Variants in SEMA3D observed in about 807,000 individuals in gnomAD.
SEMA3D encodes the protein semaphorin 3D.
Under a neutral mutation model 100.1 loss-of-function variants are expected in SEMA3D, and 84 were observed. The observed-to-expected ratio is 0.84, with a 90% confidence interval of 0.70 to 1.01. SEMA3D has a LOEUF of 1.01. Ranked by LOEUF, SEMA3D falls within the 50% of genes least tolerant of loss-of-function variation. The pLI is 0.00. For missense variants in SEMA3D, 875 were observed against 934.1 expected, an observed-to-expected ratio of 0.94 and a Z score of 0.82; for synonymous variants, 312 against 320.7, an observed-to-expected ratio of 0.97 and a Z score of 0.29.
chr7:85,240,630 C>T, the SEMA3D span, among the ~76,000 whole-genome samples: 1 of 152,004 alleles, frequency 6.6e-6, no homozygotes, highest in Non-Finnish European at 1.5e-5. Context: ...CTGGTGTTTC[C>T]TCTCTTTAAA....
At chr7:85,092,938 C>T (rs1259809119) in intron 4 of SEMA3D, among the ~76,000 whole-genome samples, 1 of 151,818 alleles carries the variant, frequency 6.6e-6, no homozygotes, top group Non-Finnish European at 1.5e-5. Context: ...TTTTACTACA[C>T]AAGATGAAAA....
chr7:85,199,106 C>G, the SEMA3D span, among the ~76,000 whole-genome samples: 3 of 151,578 alleles, frequency 2.0e-5, no homozygotes, highest in African/African-American at 7.3e-5. Context: ...TTTTTAATGT[C>G]TAGTTTTTAA....
chr7:85,167,674 T>C (rs1790947413), intron 1 of SEMA3D, among the ~76,000 whole-genome samples: 1 of 151,810 alleles, frequency 6.6e-6, no homozygotes, highest in Admixed American at 6.6e-5. Context: ...ATCTAAAACT[T>C]GGGGAATTAT....
chr7:85,188,580 C>CT (rs569690514), upstream of SEMA3D, among the ~76,000 whole-genome samples: 4 of 152,216 alleles, frequency 2.6e-5, no homozygotes, highest in East Asian at 5.8e-4. Flanking sequence ...TAAAATATCT[C>CT]TTTTTTTCTC....
chr7:85,092,672 G>A (rs551972536), intron 4 of SEMA3D, among the ~76,000 whole-genome samples: 1 of 151,992 alleles, frequency 6.6e-6, no homozygotes, highest in African/African-American at 2.4e-5. Flanking sequence ...TAAATACTAT[G>A]ACTATAGAAT....
intron 2 of SEMA3D, among the ~76,000 whole-genome samples, chr7:85,139,405 T>C (rs1401158436): frequency 6.6e-6 from 1 of 152,108 alleles, no homozygotes; most frequent in Non-Finnish European, 1.5e-5. Context: ...CAAATAGATA[T>C]ATACATTTAT....
the SEMA3D span, among the ~76,000 whole-genome samples, chr7:85,218,183 T>G: frequency 6.6e-6 from 1 of 152,192 alleles, no homozygotes; most frequent in Non-Finnish European, 1.5e-5. Flanking sequence ...AAGAAAGATG[T>G]CCTTTAATTG....
chr7:85,210,978 A>G, the SEMA3D span, among the ~76,000 whole-genome samples: 2 of 152,050 alleles, frequency 1.3e-5, no homozygotes, highest in African/African-American at 2.4e-5. Flanking sequence ...GATGCTGGAG[A>G]GAAAATGGTA....
At chr7:85,097,719 C>A in intron 4 of SEMA3D, 86 bp downstream of exon 4, 1 of 776,022 alleles carries the variant, frequency 1.3e-6, no homozygotes, top group Admixed American at 2.3e-5. Context: ...GACACTGTGT[C>A]CCTTAAAACA....
At chr7:85,095,494 C>A (rs1236373109) in intron 4 of SEMA3D, among the ~76,000 whole-genome samples, 1 of 151,942 alleles carries the variant, frequency 6.6e-6, no homozygotes, top group African/African-American at 2.4e-5. Flanking sequence ...GTACAAAGGA[C>A]AGCCTTCAGC....
chr7:85,017,526 T>C (rs1022109493), intron 15 of SEMA3D, among the ~76,000 whole-genome samples: 2 of 151,752 alleles, frequency 1.3e-5, no homozygotes, highest in Non-Finnish European at 2.9e-5. Flanking sequence ...GGAACAGTAA[T>C]AGATTAAGTC....
chr7:85,189,733 G>A (rs368948249), upstream of SEMA3D, among the ~76,000 whole-genome samples: 16 of 152,284 alleles, frequency 1.1e-4, no homozygotes, highest in East Asian at 9.6e-4. Context: ...TAAATAAATT[G>A]TGTGCCTTGA....
At chr7:85,112,803 T>C (rs1029225881) in intron 3 of SEMA3D, among the ~76,000 whole-genome samples, 1 of 152,222 alleles carries the variant, frequency 6.6e-6, no homozygotes, top group African/African-American at 2.4e-5. Context: ...CTGTCTGAAA[T>C]GATATTCACC....
intron 9 of SEMA3D, 85 bp downstream of exon 9, chr7:85,055,631 AG>A (rs1338018833): frequency 4.4e-6 from 1 of 228,254 alleles, no homozygotes; most frequent in Non-Finnish European, 6.9e-6. Context: ...ACCTTGCCAA[AG>A]TTTTTTCATA....
intron 3 of SEMA3D, among the ~76,000 whole-genome samples, chr7:85,101,063 A>G (rs927367410): frequency 6.6e-6 from 1 of 152,058 alleles, no homozygotes; most frequent in African/African-American, 2.4e-5. Context: ...ATAATATCCA[A>G]CAAATACGCC....
At chr7:85,125,212 A>G (rs1320405319) in intron 2 of SEMA3D, among the ~76,000 whole-genome samples, 5 of 152,086 alleles carry the variant, frequency 3.3e-5, no homozygotes, top group African/African-American at 1.2e-4. Context: ...GTATGTTTAT[A>G]TACATAGGCA....
intron 2 of SEMA3D, among the ~76,000 whole-genome samples, chr7:85,132,682 A>C (rs1232472879): frequency 2.0e-5 from 3 of 151,990 alleles, no homozygotes; most frequent in Non-Finnish European, 4.4e-5. Context: ...TGTATTATAT[A>C]ATTCCAAATA....
intron 2 of SEMA3D, among the ~76,000 whole-genome samples, chr7:85,133,658 G>C (rs917837369): frequency 4.0e-5 from 6 of 151,872 alleles, no homozygotes; most frequent in African/African-American, 1.4e-4. Context: ...TTCAGTCTCT[G>C]GCTATAAGAT....
rs148589523 is a variant in SEMA3D, at chr7:85,128,354, A to G, written c.-40-6423T>C. On this transcript the variant is annotated intron_variant, in intron 2 of 18. Coordinates refer to ENST00000284136, the MANE Select transcript of SEMA3D (RefSeq NM_001384900.1). ...GGCTAAATTTTTTGTATTTTTTAGT[A>G]GAGATGGGGTTTCACCATGTTGATC... 1.6e-3 allele frequency among the ~76,000 whole-genome samples: 241 copies of G among 151,946 alleles called. 1 individual carries two copies. The highest frequency in any genetic ancestry group is 5.6e-3 in the African/African-American group (232 of 41,496).
Sources: allele counts gnomAD v4.1 joint callset (sites outside exome capture counted in the v4.1 genomes callset), GRCh38; gene constraint gnomAD v4.1.1; transcripts MANE v1.5; gene names NCBI Gene and HGNC (gene_info 2026-07-23, HGNC 2026-07-21).